Variants in CCDC180 observed in about 807,000 individuals in gnomAD.
CCDC180 encodes coiled-coil domain containing 180, also known as coiled-coil domain-containing protein 180.
In CCDC180, 154 loss-of-function variants were observed where a neutral mutation model predicts 209.2. The observed-to-expected ratio is 0.74, with a 90% CI of 0.65 to 0.84. CCDC180 has a LOEUF of 0.84. Among genes scored for constraint, CCDC180 ranks in the 40% least tolerant of loss-of-function variants. CCDC180 has a pLI of 0.00. For missense variants in CCDC180, 1,874 were observed against 1,997.3 expected (o/e 0.94, Z 1.18); for synonymous variants, 778 against 749.1 (o/e 1.04, Z -0.63).
At chr9:97,318,761 C>A (rs1833264268) in intron 10 of CCDC180, among the ~76,000 whole-genome samples, 179 bp downstream of exon 10, 1 of 152,108 alleles carries the variant, frequency 6.6e-6, no homozygotes, top group East Asian at 1.9e-4. Context: ...AAGGCCATGG[C>A]CCATTTGCTG....
intron 35 of CCDC180, 97 bp from the exon 36 acceptor site, chr9:97,375,357 T>G: frequency 6.7e-7 from 1 of 1,497,714 alleles, no homozygotes; most frequent in Non-Finnish European, 9.1e-7. Flanking sequence ...CATGATAATT[T>G]TTTCAAAGAA....
At chr9:97,370,582 A>C (rs549517934) in intron 32 of CCDC180, 59 bp from the exon 33 acceptor site, 5 of 1,581,496 alleles carry the variant, frequency 3.2e-6, no homozygotes, top group Non-Finnish European at 4.3e-6. Context: ...CAGAAGACAC[A>C]GGTCAGTGAC....
In CCDC180 at chr9:97,370,024, C is replaced by G. The variant is rs747878117; in HGVS notation, c.4292C>G (p.Ser1431Cys). The G allele has an allele frequency of 2.5e-6, 4 of 1,614,058 alleles. No individual in the cohort carries two copies. The Admixed American group carries it at 5.0e-5, about 20-fold the overall frequency. ...KEHHWKKFFTSVKEIRGQFEE... is the reference protein window; with the variant it reads ...KEHHWKKFFTCVKEIRGQFEE... ...CACCACTGGAAAAAGTTTTTCACCT[C>G]TGTGAAGGAGATCCGAGGACAGTTC... Residue 1431 changes from serine (S) to cysteine (C), a missense_variant, in exon 32 of 37, where the codon TCT (serine) becomes TGT (cysteine). By Grantham distance (112) the Ser-to-Cys change is moderately radical. Transcript: ENST00000529487.
At chr9:97,336,202 A>G (rs1825899446) in intron 18 of CCDC180, among the ~76,000 whole-genome samples, 1 of 152,128 alleles carries the variant, frequency 6.6e-6, no homozygotes. Context: ...TTTTGTTGCC[A>G]TTGCTTTTGG....
intron 16 of CCDC180, among the ~76,000 whole-genome samples, chr9:97,329,426 CT>C (rs777027220): frequency 2.0e-5 from 3 of 152,214 alleles, no homozygotes; most frequent in Non-Finnish European, 4.4e-5. Context: ...CACCCAGAGC[CT>C]GTGAAACAGG....
intron 26 of CCDC180, among the ~76,000 whole-genome samples, chr9:97,361,504 CCCGGGAA>C (rs1826751025): frequency 6.6e-6 from 1 of 152,160 alleles, no homozygotes; most frequent in Admixed American, 6.5e-5. Flanking sequence ...AGAGCAGGCA[CCCGGGAA>C]AATTTCTAAA....
chr9:97,373,052 G>A (rs1031870536), intron 34 of CCDC180: 9 of 152,200 alleles, frequency 5.9e-5, no homozygotes, highest in African/African-American at 1.7e-4. Flanking sequence ...TAAAACACAT[G>A]CATGATATCA....
chr9:97,370,131 G>C, intron 32 of CCDC180, 49 bp downstream of exon 32: 2 of 1,581,718 alleles, frequency 1.3e-6, no homozygotes, highest in South Asian at 1.2e-5. Context: ...GGGGAACTGG[G>C]AGTTCAGAAA....
At chr9:97,325,388 GAGAC>G (rs1263343745) in intron 14 of CCDC180, among the ~76,000 whole-genome samples, 196 bp downstream of exon 14, 1 of 152,212 alleles carries the variant, frequency 6.6e-6, no homozygotes, top group African/African-American at 2.4e-5. Context: ...GCATGCATGA[GAGAC>G]AGACAGATGG....
chr9:97,348,564 G>A (rs764553265), intron 20 of CCDC180, among the ~76,000 whole-genome samples: 8 of 151,956 alleles, frequency 5.3e-5, no homozygotes, highest in Admixed American at 2.0e-4. Flanking sequence ...AACTTCAGAT[G>A]ATAGTGGGAT....
chr9:97,367,117 C>T (rs1051810603), intron 31 of CCDC180, among the ~76,000 whole-genome samples: 5 of 152,174 alleles, frequency 3.3e-5, no homozygotes, highest in African/African-American at 1.2e-4. Context: ...CTAAAGCAAC[C>T]ACTAATCTAC....
At chr9:97,333,358 G>A (rs192536794) in intron 18 of CCDC180, among the ~76,000 whole-genome samples, 24 of 152,272 alleles carry the variant, frequency 1.6e-4, no homozygotes, top group Middle Eastern at 3.4e-3. Context: ...CCAGGTTTTG[G>A]CATCAGCGTG....
At chr9:97,321,012 G>A (rs1461309364) in intron 11 of CCDC180, among the ~76,000 whole-genome samples, 1 of 152,168 alleles carries the variant, frequency 6.6e-6, no homozygotes, top group African/African-American at 2.4e-5. Flanking sequence ...TACGTGGTGT[G>A]ATACTCCCTG....
chr9:97,370,950 CTTT>C (rs67153822), intron 33 of CCDC180, 172 bp downstream of exon 33: 761 of 114,786 alleles, frequency 6.6e-3, no homozygotes, highest in Middle Eastern at 0.028. Flanking sequence ...AACTTGTATA[CTTT>C]TTTTTTTTTT....
At chr9:97,332,637 T>G (rs968034151) in intron 18 of CCDC180, among the ~76,000 whole-genome samples, 1 of 152,188 alleles carries the variant, frequency 6.6e-6, no homozygotes, top group Non-Finnish European at 1.5e-5. Context: ...TTGTGGTGAT[T>G]GTGAATGGGA....
intron 16 of CCDC180, among the ~76,000 whole-genome samples, chr9:97,329,691 G>A (rs1825669532): frequency 6.6e-6 from 1 of 152,182 alleles, no homozygotes; most frequent in South Asian, 2.1e-4. Context: ...CTAGGATTGA[G>A]AACAACCCAA....
intron 3 of CCDC180, among the ~76,000 whole-genome samples, chr9:97,309,836 G>A (rs2118511386): frequency 6.6e-6 from 1 of 152,264 alleles, no homozygotes; most frequent in African/African-American, 2.4e-5. Context: ...CTGGGTATGG[G>A]GATCCCACCC....
intron 18 of CCDC180, among the ~76,000 whole-genome samples, chr9:97,335,949 T>A (rs1825891121): frequency 6.6e-6 from 1 of 152,246 alleles, no homozygotes. Flanking sequence ...CGTTTTTTCA[T>A]GTGTCTGTTG....
chr9:97,320,618 G>C (rs564038106), intron 11 of CCDC180, among the ~76,000 whole-genome samples: 216 of 152,328 alleles, frequency 1.4e-3, no homozygotes, highest in African/African-American at 5.1e-3. Flanking sequence ...GTAAAATAGG[G>C]ATGGCAAGAG....
Sources: gnomAD v4.1 joint callset for allele counts (sites outside exome capture counted in the v4.1 genomes callset) on GRCh38, gnomAD v4.1.1 for gene constraint, MANE v1.5 for transcripts, NCBI Gene and HGNC (gene_info 2026-07-23, HGNC 2026-07-21) for gene names.